Variants in HS3ST4 observed in about 807,000 individuals in gnomAD.
HS3ST4 encodes heparan sulfate-glucosamine 3-sulfotransferase 4.
A neutral mutation model predicts 29.2 loss-of-function variants in HS3ST4; 17 were observed. The observed-to-expected ratio is 0.58, with a 90% CI of 0.40 to 0.87. The LOEUF is 0.87. Ranked by LOEUF, HS3ST4 falls within the 40% of genes least tolerant of loss-of-function variation. HS3ST4 has a pLI of 0.00. For synonymous variants in HS3ST4, 314 were observed against 285.7 expected (o/e 1.10, Z -1.00); for missense variants, 627 against 634.5 (o/e 0.99, Z 0.13).
chr16:25,697,523 T>G (rs1276604859), intron 1 of HS3ST4, among the ~76,000 whole-genome samples: 3 of 152,228 alleles, frequency 2.0e-5, no homozygotes, highest in African/African-American at 7.2e-5. Flanking sequence ...TCTTTTTACC[T>G]TTTCAATGTG....
chr16:25,760,729 C>A (rs1966784031), intron 1 of HS3ST4, among the ~76,000 whole-genome samples: 1 of 152,042 alleles, frequency 6.6e-6, no homozygotes, highest in African/African-American at 2.4e-5. Flanking sequence ...CTAATTACCC[C>A]ATTTTAACCT....
intron 1 of HS3ST4, among the ~76,000 whole-genome samples, chr16:25,983,391 G>A (rs989100751): frequency 6.6e-6 from 1 of 152,152 alleles, no homozygotes; most frequent in African/African-American, 2.4e-5. Context: ...CATCAAATGG[G>A]ATGACGTGCA....
At chr16:26,051,273 A>G (rs1898342461) in intron 1 of HS3ST4, among the ~76,000 whole-genome samples, 1 of 151,938 alleles carries the variant, frequency 6.6e-6, no homozygotes. Context: ...TGTGCCTTTA[A>G]TTACCCTGCA....
At chr16:26,015,944 G>A (rs1290792687) in intron 1 of HS3ST4, among the ~76,000 whole-genome samples, 1 of 152,100 alleles carries the variant, frequency 6.6e-6, no homozygotes, top group African/African-American at 2.4e-5. Flanking sequence ...ACAGCTGGGG[G>A]TGGGGTGTGC....
chr16:25,708,389 G>A (rs946251977), intron 1 of HS3ST4, among the ~76,000 whole-genome samples: 1 of 152,114 alleles, frequency 6.6e-6, no homozygotes, highest in Admixed American at 6.5e-5. Context: ...AAACATACTG[G>A]AATACAGTTG....
chr16:26,102,103 C>T (rs967639373), intron 1 of HS3ST4, among the ~76,000 whole-genome samples: 5 of 152,106 alleles, frequency 3.3e-5, no homozygotes, highest in African/African-American at 1.2e-4. Context: ...CATATCCCAC[C>T]TACAAGCATT....
intron 1 of HS3ST4, among the ~76,000 whole-genome samples, chr16:25,910,638 ACT>A (rs995492285): frequency 8.6e-5 from 13 of 150,842 alleles, no homozygotes; most frequent in African/African-American, 3.2e-4. Context: ...CGAGAGAGAG[ACT>A]CTGTCTCAAA....
At chr16:26,106,664 G>T (rs905772912) in intron 1 of HS3ST4, among the ~76,000 whole-genome samples, 2 of 152,174 alleles carry the variant, frequency 1.3e-5, no homozygotes, top group Non-Finnish European at 2.9e-5. Context: ...GGTGAATAAA[G>T]GCTCAGTGAC....
intron 1 of HS3ST4, among the ~76,000 whole-genome samples, chr16:26,054,881 A>G (rs1353648691): frequency 6.6e-6 from 1 of 151,966 alleles, no homozygotes; most frequent in Non-Finnish European, 1.5e-5. Flanking sequence ...ACCTTTGACC[A>G]CAGAAAGGTG....
At chr16:25,883,070 C>G (rs963816039) in intron 1 of HS3ST4, among the ~76,000 whole-genome samples, 1 of 151,970 alleles carries the variant, frequency 6.6e-6, no homozygotes, top group African/African-American at 2.4e-5. Context: ...TTCCACTGGC[C>G]TTGGCTAAAC....
At chr16:26,085,859 G>A (rs1277674250) in intron 1 of HS3ST4, among the ~76,000 whole-genome samples, 1 of 150,854 alleles carries the variant, frequency 6.6e-6, no homozygotes, top group African/African-American at 2.4e-5. Context: ...GGGTGACAGA[G>A]CGAGACCCTG....
intron 1 of HS3ST4, among the ~76,000 whole-genome samples, chr16:25,889,331 G>A (rs1252766717): frequency 2.0e-5 from 3 of 152,120 alleles, no homozygotes; most frequent in African/African-American, 4.8e-5. Flanking sequence ...CAAGAAAGTC[G>A]GGGCTCTCCC....
At chr16:25,751,519 A>G (rs1966719999) in intron 1 of HS3ST4, among the ~76,000 whole-genome samples, 1 of 152,198 alleles carries the variant, frequency 6.6e-6, no homozygotes, top group Non-Finnish European at 1.5e-5. Context: ...ACATATAAAT[A>G]ATTACAAAGC....
chr16:26,007,250 GT>G (rs1969267110), intron 1 of HS3ST4, among the ~76,000 whole-genome samples: 1 of 152,158 alleles, frequency 6.6e-6, no homozygotes, highest in African/African-American at 2.4e-5. Context: ...TCATTACTGT[GT>G]TTTTCTCAGT....
intron 1 of HS3ST4, among the ~76,000 whole-genome samples, chr16:25,823,246 G>A (rs986282231): frequency 2.6e-5 from 4 of 152,150 alleles, no homozygotes; most frequent in Non-Finnish European, 2.9e-5. Flanking sequence ...GCTCTTACAC[G>A]TTGTGTTTTC....
chr16:25,927,672 C>G (rs1161026284), intron 1 of HS3ST4, among the ~76,000 whole-genome samples: 1 of 150,138 alleles, frequency 6.7e-6, no homozygotes, highest in Non-Finnish European at 1.5e-5. Context: ...AGCTGCTCCT[C>G]AGCCCCAGCT....
intron 1 of HS3ST4, among the ~76,000 whole-genome samples, chr16:25,753,415 A>C (rs1356711191): frequency 6.6e-6 from 1 of 152,238 alleles, no homozygotes; most frequent in Non-Finnish European, 1.5e-5. Context: ...ATTGATGGCC[A>C]GAATGGCCTC....
chr16:25,940,216 T>C (rs982627950), intron 1 of HS3ST4, among the ~76,000 whole-genome samples: 1 of 145,178 alleles, frequency 6.9e-6, no homozygotes, highest in African/African-American at 2.6e-5. Context: ...TTTTTTTTTT[T>C]TGAAACAGCT....
intron 1 of HS3ST4, among the ~76,000 whole-genome samples, chr16:26,063,821 G>A (rs950175080): frequency 1.3e-5 from 2 of 152,214 alleles, no homozygotes; most frequent in East Asian, 1.9e-4. Flanking sequence ...CTAGCTGATT[G>A]CATGGGCCGG....
Sources: allele counts gnomAD v4.1 joint callset (sites outside exome capture counted in the v4.1 genomes callset), GRCh38; gene constraint gnomAD v4.1.1; transcripts MANE v1.5; gene names NCBI Gene and HGNC (gene_info 2026-07-23, HGNC 2026-07-21).